The following UBA3 variants were observed in gnomAD, a reference collection of about 807,000 sequenced individuals.
UBA3 encodes ubiquitin like modifier activating enzyme 3.
A neutral mutation model predicts 73.5 loss-of-function variants in UBA3; 26 were observed. The observed-to-expected ratio is 0.35, with a 90% CI of 0.26 to 0.49. The LOEUF is 0.49. Among genes scored for constraint, UBA3 ranks in the 20% least tolerant of loss-of-function variants. The pLI, the probability that UBA3 is intolerant of heterozygous loss-of-function variation, is 0.98. For missense variants in UBA3, 495 were observed against 555.6 expected, an observed-to-expected ratio of 0.89 and a Z score of 1.10; for synonymous variants, 217 against 191.2, an observed-to-expected ratio of 1.13 and a Z score of -1.11.
rs2092014717 is a variant in UBA3, at chr3:69,060,735, G to A, written c.910+1079C>T. Among the ~76,000 whole-genome samples the A allele has an allele frequency of 5.9e-5, 9 of 152,220 alleles. No individual in the cohort carries two copies. The South Asian group carries it at 1.9e-3, about 32-fold the overall frequency. On this transcript the variant is annotated intron_variant, in intron 11 of 17. Transcript: ENST00000361055. ...TTGGAGGTGAGGCCTAGTGGGAGGTGTTTGGACCGTTAGGGCAGATCCCAC... is the reference window on the plus strand; with the variant it reads ...TTGGAGGTGAGGCCTAGTGGGAGGTATTTGGACCGTTAGGGCAGATCCCAC...
Position 69,075,483 on chromosome 3 carries a change from T to C in UBA3, c.211A>G (p.Lys71Glu). ...CCGCCAGCTCCAATGACTAGAACTTTACATGTATCTAACAAGAACTGGAGA... is the reference window on the plus strand; with the variant it reads ...CCGCCAGCTCCAATGACTAGAACTTCACATGTATCTAACAAGAACTGGAGA... ...ESLQFLLDTC[K>E]VLVIGAGGLG... is the part of the protein sequence containing the mutation. The change falls in exon 4 of 18, where the codon AAA becomes GAA. Residue 71 changes from lysine (K) to glutamate (E), a missense_variant. Physicochemically the swap from Lys to Glu is moderately conservative, Grantham distance 56 (BLOSUM62 1). Transcript: ENST00000361055. 3 of 1,561,506 alleles carry C rather than the reference T, an allele frequency of 1.9e-6. No individual in the cohort carries two copies. The highest frequency in any genetic ancestry group is 2.6e-6 in the Non-Finnish European group (3 of 1,157,440).
At chr3:69,070,491 TAGAG>T (rs1043781059) in intron 5 of UBA3, among the ~76,000 whole-genome samples, 11 of 151,948 alleles carry the variant, frequency 7.2e-5, no homozygotes, top group South Asian at 2.1e-4. Context: ...ACTTCCTAAA[TAGAG>T]AGAGAAAAAA....
Position 69,064,112 on chromosome 3 carries a change from C to T in UBA3, c.429-1G>A. On this transcript the variant is annotated splice_acceptor_variant, in intron 6 of 17. Coordinates refer to ENST00000361055, the MANE Select transcript of UBA3 (RefSeq NM_003968.4). LOFTEE classifies it high-confidence loss of function. ...AAAATCTTGAATCTTGTTGAAATGT[C>T]TGAATACAAGTAAAGGAACTTAAGC... 6.2e-7 allele frequency: 1 copy of T among 1,600,204 alleles called. No homozygotes were observed. Among genetic ancestry groups the T allele is most frequent in the Non-Finnish European group, 8.5e-7 (1 of 1,174,982 alleles).
At chr3:69,079,977 G>T in intron 2 of UBA3, 135 bp downstream of exon 2, 2 of 768,432 alleles carry the variant, frequency 2.6e-6, no homozygotes. Flanking sequence ...GGGGATCAGG[G>T]GATGAGGCAG....
chr3:69,080,292 A>ACCCAG (rs1284053171), intron 1 of UBA3, 42 bp downstream of exon 1: 3 of 1,601,676 alleles, frequency 1.9e-6, no homozygotes, highest in Admixed American at 1.7e-5. Flanking sequence ...CTCTCTCACA[A>ACCCAG]CCCAGCCCAG....
chr3:69,076,944 C>T (rs548282988), intron 3 of UBA3, among the ~76,000 whole-genome samples: 19 of 151,148 alleles, frequency 1.3e-4, no homozygotes, highest in Non-Finnish European at 2.5e-4. Flanking sequence ...TGAGATAACA[C>T]GAAAACATAT....
At chr3:69,077,180 C>A (rs896283511) in intron 3 of UBA3, among the ~76,000 whole-genome samples, 3 of 151,172 alleles carry the variant, frequency 2.0e-5, no homozygotes, top group African/African-American at 4.9e-5. Flanking sequence ...ACATGAGACA[C>A]TGGGCCAAAC....
chr3:69,070,944 T>A (rs925203548), intron 5 of UBA3: 3 of 152,440 alleles, frequency 2.0e-5, no homozygotes, highest in Non-Finnish European at 4.4e-5. Flanking sequence ...ATGCCTGGCC[T>A]CTACTTCTCT....
At chr3:69,076,017 G>A (rs548893519) in intron 3 of UBA3, among the ~76,000 whole-genome samples, 52 of 152,270 alleles carry the variant, frequency 3.4e-4, no homozygotes, top group African/African-American at 1.2e-3. Flanking sequence ...CAGGCATGAG[G>A]TGCCGCGTCC....
chr3:69,075,495 A>T lies in UBA3; in HGVS notation c.199T>A (p.Leu67Ile). The change falls in exon 4 of 18, where the codon TTA (leucine) becomes ATA (isoleucine). Residue 67 changes from leucine (L) to isoleucine (I), a missense_variant. Physicochemically the swap from Leu to Ile is conservative, Grantham distance 5. Transcript: ENST00000361055. ...EPSTESLQFLLDTCKVLVIGA... is the reference protein window; with the variant it reads ...EPSTESLQFLIDTCKVLVIGA... Reference sequence around the variant, plus strand: ...ATGACTAGAACTTTACATGTATCTAACAAGAACTGGAGAGACTGTAAAGAA... The same window carrying T: ...ATGACTAGAACTTTACATGTATCTATCAAGAACTGGAGAGACTGTAAAGAA... The T allele has an allele frequency of 1.3e-6, 2 of 1,559,382 alleles. No homozygotes were observed. Among genetic ancestry groups the T allele is most frequent in the Non-Finnish European group, 1.7e-6 (2 of 1,156,564 alleles).
chr3:69,075,320 T>G (rs149921221), intron 4 of UBA3, 110 bp downstream of exon 4: 1 of 424,908 alleles, frequency 2.4e-6, no homozygotes, highest in Non-Finnish European at 3.7e-6. Flanking sequence ...TAACAAAGGC[T>G]CAAGAGAAAA....
rs774290584 is a variant in UBA3, at chr3:69,056,101, T to G, written c.1185-38A>C. The G allele has an allele frequency of 3.8e-6, 6 of 1,564,866 alleles. No homozygotes were observed. In the Admixed American group the frequency reaches 1.1e-4, roughly 28 times the overall value. Reference sequence around the variant, plus strand: ...ATGAGAGAGAAGTATCAAACATAATTTTTATCAAAAGATAATTTTTTTAAG... The same window carrying G: ...ATGAGAGAGAAGTATCAAACATAATGTTTATCAAAAGATAATTTTTTTAAG... On this transcript the variant is annotated intron_variant, in intron 15 of 17. Transcript: ENST00000361055.
chr3:69,077,740 T>C (rs902657282), intron 3 of UBA3, 58 bp downstream of exon 3: 75 of 1,484,686 alleles, frequency 5.1e-5, no homozygotes, highest in Non-Finnish European at 6.6e-5. Context: ...AGAAGCATTC[T>C]ATTAGTTTTG....
At chr3:69,079,954 G>T (rs2092204013) in intron 2 of UBA3, 158 bp downstream of exon 2, 4 of 629,840 alleles carry the variant, frequency 6.4e-6, no homozygotes, top group Non-Finnish European at 1.0e-5. Context: ...CCAGGCCCCC[G>T]GGGCTGCGGG....
intron 2 of UBA3, chr3:69,079,810 G>A: frequency 2.4e-6 from 1 of 411,230 alleles, no homozygotes; most frequent in Non-Finnish European, 4.3e-6. Context: ...GACAATTTGG[G>A]ATGGAGGAAG....
intron 11 of UBA3, among the ~76,000 whole-genome samples, chr3:69,057,873 G>A (rs529405675): frequency 1.3e-5 from 2 of 149,558 alleles, no homozygotes; most frequent in African/African-American, 4.9e-5. Flanking sequence ...CTCTACAACC[G>A]AGGCTACACA....
chr3:69,056,932 C>A, intron 12 of UBA3, 117 bp from the exon 13 acceptor site: 1 of 1,177,004 alleles, frequency 8.5e-7, no homozygotes, highest in East Asian at 2.4e-5. Flanking sequence ...AATACATATT[C>A]CAATTTTTAA....
intron 2 of UBA3, chr3:69,079,613 T>A (rs2092200485): frequency 6.5e-6 from 1 of 153,862 alleles, no homozygotes; most frequent in African/African-American, 2.4e-5. Context: ...TCTTTCCAGA[T>A]CTTTTAAGAG....
intron 10 of UBA3, 46 bp from the exon 11 acceptor site, chr3:69,061,973 A>C: frequency 6.9e-7 from 1 of 1,457,516 alleles, no homozygotes; most frequent in Non-Finnish European, 9.4e-7. Context: ...GAAGACAGGA[A>C]TACGTAATCA....
Sources: gnomAD v4.1 joint callset for allele counts (sites outside exome capture counted in the v4.1 genomes callset) on GRCh38, gnomAD v4.1.1 for gene constraint, MANE v1.5 for transcripts, NCBI Gene and HGNC (gene_info 2026-07-23, HGNC 2026-07-21) for gene names.